Variants in IL1RAP observed in about 807,000 individuals in gnomAD.
The protein encoded by IL1RAP is interleukin-1 receptor accessory protein.
In IL1RAP, 35 loss-of-function variants were observed where a neutral mutation model predicts 60.7. The observed-to-expected ratio is 0.58, with a 90% CI of 0.44 to 0.76. The LOEUF is 0.76. IL1RAP is among the 30% of genes least tolerant of loss of function. IL1RAP has a pLI of 0.00. For synonymous variants in IL1RAP, 268 were observed against 250.9 expected (o/e 1.07, Z -0.64); for missense variants, 572 against 693.9 (o/e 0.82, Z 1.97).
At chr3:190,655,981 A>G, downstream of IL1RAP, 3 of 1,537,276 alleles carry the variant, frequency 2.0e-6, no homozygotes, top group Non-Finnish European at 2.6e-6. Context: ...GAGCATCAGC[A>G]TGCTGGAGTT....
At chr3:190,533,902 G>A (rs112903217) in intron 1 of IL1RAP, among the ~76,000 whole-genome samples, 3,677 of 151,994 alleles carry the variant, frequency 0.024, 174 homozygotes, top group African/African-American at 0.084. Context: ...TCTTCTTGCC[G>A]TTTCAAAGGA....
exon 12 of IL1RAP, chr3:190,659,230 A>G (rs963979866): frequency 6.6e-6 from 1 of 152,234 alleles, no homozygotes; most frequent in Non-Finnish European, 1.5e-5. Flanking sequence ...TGAAAGAACT[A>G]TTGGCAGAGT....
intron 7 of IL1RAP, among the ~76,000 whole-genome samples, chr3:190,626,968 C>T (rs532364317): frequency 8.5e-5 from 13 of 152,056 alleles, no homozygotes; most frequent in Non-Finnish European, 1.9e-4. Flanking sequence ...CTATGCCTAG[C>T]CTTGTCAGAG....
At chr3:190,609,446 A>T (rs1306740851) in intron 5 of IL1RAP, among the ~76,000 whole-genome samples, 3 of 152,210 alleles carry the variant, frequency 2.0e-5, no homozygotes, top group African/African-American at 7.2e-5. Flanking sequence ...ACTTCATGTG[A>T]AATACATTTT....
At chr3:190,569,762 GT>G (rs1370416004) in intron 3 of IL1RAP, among the ~76,000 whole-genome samples, 1 of 152,130 alleles carries the variant, frequency 6.6e-6, no homozygotes, top group Non-Finnish European at 1.5e-5. Context: ...ATAATTCTAA[GT>G]TTAGAAAAAT....
At chr3:190,593,046 G>A (rs1729078589) in intron 3 of IL1RAP, among the ~76,000 whole-genome samples, 2 of 152,018 alleles carry the variant, frequency 1.3e-5, no homozygotes, top group African/African-American at 4.8e-5. Context: ...AACTGAAACC[G>A]TGGCTTGTGG....
At chr3:190,565,219 G>A (rs1010105890) in intron 3 of IL1RAP, among the ~76,000 whole-genome samples, 3 of 150,948 alleles carry the variant, frequency 2.0e-5, no homozygotes, top group Non-Finnish European at 4.4e-5. Flanking sequence ...AAAACCTAAT[G>A]CAATGGTTCT....
intron 3 of IL1RAP, among the ~76,000 whole-genome samples, chr3:190,586,054 C>A (rs181359529): frequency 2.0e-4 from 30 of 152,226 alleles, no homozygotes; most frequent in African/African-American, 7.0e-4. Context: ...GGAGTCAGTG[C>A]ACATTCTATG....
intron 3 of IL1RAP, among the ~76,000 whole-genome samples, chr3:190,580,301 G>A (rs1054809542): frequency 1.3e-5 from 2 of 152,062 alleles, no homozygotes; most frequent in Non-Finnish European, 2.9e-5. Context: ...TGTGTATCTC[G>A]TGTTCAACTC....
intron 3 of IL1RAP, among the ~76,000 whole-genome samples, chr3:190,573,084 C>A (rs1727127290): frequency 9.6e-5 from 5 of 52,042 alleles, no homozygotes; most frequent in Non-Finnish European, 1.9e-4. Context: ...GGGATGGTCT[C>A]GATCTCCTGA....
chr3:190,651,811 G>A (rs1441008732), downstream of IL1RAP, among the ~76,000 whole-genome samples: 2 of 148,412 alleles, frequency 1.3e-5, no homozygotes, highest in African/African-American at 5.1e-5. Flanking sequence ...GTGTATGTGT[G>A]TATGCAGAGA....
chr3:190,577,808 G>A (rs977122311), intron 3 of IL1RAP, among the ~76,000 whole-genome samples: 1 of 152,082 alleles, frequency 6.6e-6, no homozygotes, highest in Non-Finnish European at 1.5e-5. Flanking sequence ...GCCTACCAAA[G>A]TACTGGGATT....
intron 3 of IL1RAP, among the ~76,000 whole-genome samples, chr3:190,578,858 A>G (rs995672044): frequency 6.6e-6 from 1 of 152,186 alleles, no homozygotes; most frequent in Non-Finnish European, 1.5e-5. Flanking sequence ...TAAAACCATC[A>G]GATCTCATGA....
chr3:190,644,127 T>C, intron 9 of IL1RAP, 121 bp from the exon 10 acceptor site: 3 of 1,444,614 alleles, frequency 2.1e-6, no homozygotes, highest in Non-Finnish European at 2.7e-6. Context: ...TTATCTCTGA[T>C]TGTTCATACA....
chr3:190,616,580 A>G (rs1731290403), intron 5 of IL1RAP, among the ~76,000 whole-genome samples: 1 of 152,208 alleles, frequency 6.6e-6, no homozygotes, highest in South Asian at 2.1e-4. Flanking sequence ...ATAGCAAAGT[A>G]TGTGTTTTAT....
At chr3:190,543,023 C>T (rs1338734083) in intron 1 of IL1RAP, among the ~76,000 whole-genome samples, 1 of 151,736 alleles carries the variant, frequency 6.6e-6, no homozygotes, top group Non-Finnish European at 1.5e-5. Context: ...CCAGGCTGTT[C>T]CCTCGATGGT....
chr3:190,645,916 G>C, intron 11 of IL1RAP, 74 bp downstream of exon 11: 1 of 1,283,620 alleles, frequency 7.8e-7, no homozygotes, highest in Non-Finnish European at 1.1e-6. Flanking sequence ...CATTATGGGA[G>C]AGAGTCATGG....
rs1725414078 is a variant in IL1RAP at position 190,556,186 on chromosome 3, C to T, written c.-32C>T. 6.6e-6 allele frequency: 1 copy of T among 152,132 alleles called. No individual in the cohort carries two copies. The highest frequency in any genetic ancestry group is 6.5e-5 in the Admixed American group (1 of 15,274). The allele number at this position is 152,132 out of a possible 1,614,324, so 9.4% of individuals were successfully genotyped here. Reference sequence around the variant, plus strand: ...GAACATCAGCAGGCCCTAGAAGCCTCACTCTTGCCCCTCCCTTTAATATCT... The same window carrying T: ...GAACATCAGCAGGCCCTAGAAGCCTTACTCTTGCCCCTCCCTTTAATATCT... On this transcript the variant is annotated 5_prime_UTR_variant, in exon 2 of 12. Transcript: ENST00000447382.
At chr3:190,564,896 A>T (rs1045629862) in intron 3 of IL1RAP, among the ~76,000 whole-genome samples, 1 of 152,206 alleles carries the variant, frequency 6.6e-6, no homozygotes, top group African/African-American at 2.4e-5. Flanking sequence ...AAACTCAGTC[A>T]TCATGGGCCT....
Sources: gnomAD v4.1 joint callset for allele counts (sites outside exome capture counted in the v4.1 genomes callset) on GRCh38, gnomAD v4.1.1 for gene constraint, MANE v1.5 for transcripts, NCBI Gene and HGNC (gene_info 2026-07-23, HGNC 2026-07-21) for gene names.